Variants in IQSEC1 observed in about 807,000 individuals in gnomAD.
IQSEC1 encodes IQ motif and Sec7 domain ArfGEF 1.
IQSEC1 carries 31 observed loss-of-function variants against 91.0 expected under a neutral mutation model. The observed-to-expected ratio is 0.34, with a 90% CI of 0.26 to 0.46. The LOEUF (loss-of-function observed/expected upper bound fraction) is 0.46, where lower values mean the gene tolerates loss of function less well. Among genes scored for constraint, IQSEC1 ranks in the 20% least tolerant of loss-of-function variants. The pLI, the probability that IQSEC1 is intolerant of heterozygous loss-of-function variation, is 1.00. For missense variants in IQSEC1, 1,388 were observed against 1,575.6 expected, an observed-to-expected ratio of 0.88 and a Z score of 2.02; for synonymous variants, 699 against 662.6, an observed-to-expected ratio of 1.05 and a Z score of -0.84.
In IQSEC1 at chr3:13,073,163, C is replaced by T. The variant is rs1705492487; in HGVS notation, c.-149G>A. ...GTCACATTCCCGGGGGTGGCGGGCTCCTCCAGGGAGGCTGGGGCGGGAGCG... is the reference window on the plus strand; with the variant it reads ...GTCACATTCCCGGGGGTGGCGGGCTTCTCCAGGGAGGCTGGGGCGGGAGCG... On this transcript the variant is annotated 5_prime_UTR_variant, in exon 1 of 14. Transcript: ENST00000613206. The T allele has an allele frequency of 4.4e-6, 4 of 902,314 alleles. No homozygotes were observed. The highest frequency in any genetic ancestry group is 6.9e-6 in the Non-Finnish European group (4 of 583,632). The allele number at this position is 902,314 out of a possible 1,614,324, so 55.9% of individuals were successfully genotyped here.
chr3:13,260,288 A>T (rs1247943491), intron 1 of IQSEC1, among the ~76,000 whole-genome samples: 1 of 152,238 alleles, frequency 6.6e-6, no homozygotes, highest in African/African-American at 2.4e-5. Flanking sequence ...CTTGGAAGCC[A>T]ACCAGAAAGG....
At chr3:13,242,740 G>A (rs997358315) in intron 1 of IQSEC1, among the ~76,000 whole-genome samples, 7 of 152,176 alleles carry the variant, frequency 4.6e-5, no homozygotes, top group African/African-American at 4.8e-5. Context: ...ACCTGAAAAC[G>A]AAGCCTTTTC....
intron 1 of IQSEC1, among the ~76,000 whole-genome samples, chr3:13,254,917 C>G (rs1695260273): frequency 6.6e-6 from 1 of 152,204 alleles, no homozygotes. Flanking sequence ...CTCTGTGCAT[C>G]CACACAGCCT....
rs539652272 is a variant in IQSEC1, at chr3:13,039,676, A to G, written c.23+33316T>C. On this transcript the variant is annotated intron_variant, in intron 1 of 13. Coordinates refer to ENST00000613206, the MANE Select transcript of IQSEC1 (RefSeq NM_001134382.3). ...GCATCCCCCTTTCCCCATGTTACAC[A>G]GCTGTGGAGGAAAAGTGACTTTTCT... Among the ~76,000 whole-genome samples, 15 of 152,344 alleles carry G rather than the reference A, an allele frequency of 9.8e-5. 1 individual carries two copies. In the East Asian group the frequency reaches 1.9e-3, roughly 20 times the overall value.
rs755378826 is a variant in IQSEC1, at chr3:12,911,690, C to T, written c.2355G>A (p.Thr785=). The T allele has an allele frequency of 1.2e-5, 20 of 1,613,518 alleles. No individual in the cohort carries two copies. Among genetic ancestry groups the T allele is most frequent in the African/African-American group, 5.3e-5 (4 of 74,894 alleles). ...KIFQKKKNSV[T]YSFRQSFSLY... ...AGGAGAAGGACTGTCGGAAGCTGTA[C>T]GTCACCGAGTTCTTCTTCTTCTGGA... Residue 785 remains threonine, a synonymous_variant, in exon 10 of 14, where the codon ACG becomes ACA. Coordinates refer to ENST00000613206, the MANE Select transcript of IQSEC1 (RefSeq NM_001134382.3).
intron 1 of IQSEC1, among the ~76,000 whole-genome samples, chr3:12,974,364 G>A (rs980076861): frequency 9.2e-5 from 14 of 152,350 alleles, no homozygotes; most frequent in African/African-American, 3.1e-4. Flanking sequence ...TGTTGTAAAC[G>A]TGAAAGAAGG....
chr3:13,275,369 C>G (rs1460976166), intron 1 of IQSEC1, among the ~76,000 whole-genome samples: 1 of 152,162 alleles, frequency 6.6e-6, no homozygotes, highest in Non-Finnish European at 1.5e-5. Context: ...GGGCAGGGGC[C>G]AGTCTTGTCC....
chr3:13,104,734 C>T (rs1007581097), intron 2 of IQSEC1, among the ~76,000 whole-genome samples: 10 of 152,238 alleles, frequency 6.6e-5, no homozygotes, highest in Admixed American at 2.6e-4. Flanking sequence ...CCCCTCACTC[C>T]GGCCACTAGC....
chr3:13,024,348 C>T (rs556851984), intron 1 of IQSEC1, among the ~76,000 whole-genome samples: 2 of 149,880 alleles, frequency 1.3e-5, no homozygotes, highest in African/African-American at 4.9e-5. Flanking sequence ...TGTTCCCTCA[C>T]CCGCACATAC....
chr3:12,985,023 A>G (rs1390001234), intron 1 of IQSEC1, among the ~76,000 whole-genome samples: 4 of 151,722 alleles, frequency 2.6e-5, no homozygotes, highest in Non-Finnish European at 4.4e-5. Context: ...ACAGGGTTTC[A>G]CCGTGTTAGC....
chr3:13,030,438 T>A lies in IQSEC1; in HGVS notation c.23+42554A>T, dbSNP rs373503656. ...ATGGTGCACTCTCTTTATGGGCCAT[T>A]CTAGTTATTTATTAAATATTTTCTT... On this transcript the variant is annotated intron_variant, in intron 1 of 13. Coordinates refer to ENST00000613206, the MANE Select transcript of IQSEC1 (RefSeq NM_001134382.3). Among the ~76,000 whole-genome samples, 49 of 152,334 alleles carry A rather than the reference T, an allele frequency of 3.2e-4. 2 individuals carry two copies. In the South Asian group the frequency reaches 8.5e-3, roughly 26 times the overall value.
chr3:13,053,936 G>T (rs1704786139), intron 1 of IQSEC1, among the ~76,000 whole-genome samples: 1 of 152,216 alleles, frequency 6.6e-6, no homozygotes, highest in Admixed American at 6.5e-5. Flanking sequence ...AATATTTGAG[G>T]AGACTTTCTG....
In IQSEC1 at chr3:12,909,462, G is replaced by GC. The variant is rs760990916; in HGVS notation, c.2417-29dup. The GC allele has an allele frequency of 1.9e-6, 3 of 1,594,904 alleles. No individual in the cohort carries two copies. Among genetic ancestry groups the GC allele is most frequent in the Middle Eastern group, 1.7e-4 (1 of 5,826 alleles). Reference sequence around the variant, plus strand: ...GCAAAAGGGAAGGAGAGGGGAGGAGGCCCACGGGTCTCAGTGTGTTCTCTG... The same window carrying GC: ...GCAAAAGGGAAGGAGAGGGGAGGAGGCCCCACGGGTCTCAGTGTGTTCTCTG... On this transcript the variant is annotated intron_variant, in intron 10 of 13. Coordinates refer to ENST00000613206, the MANE Select transcript of IQSEC1 (RefSeq NM_001134382.3). The surrounding 1 kb of genome is among the most constrained non-coding windows in gnomAD (Gnocchi z 4.9).
At chr3:13,247,108 C>G (rs934377999) in intron 1 of IQSEC1, among the ~76,000 whole-genome samples, 2 of 152,218 alleles carry the variant, frequency 1.3e-5, no homozygotes, top group Admixed American at 1.3e-4. Flanking sequence ...GAGATGGAAG[C>G]TGGTCTGATA....
chr3:13,197,287 C>T (rs112568857), intron 1 of IQSEC1, among the ~76,000 whole-genome samples: 10 of 152,354 alleles, frequency 6.6e-5, no homozygotes, highest in African/African-American at 2.2e-4. Flanking sequence ...CCCCAAGCGC[C>T]CACAACAGCG....
At chr3:13,203,872 A>AGCGTGCC (rs944675723) in intron 1 of IQSEC1, among the ~76,000 whole-genome samples, 1 of 152,138 alleles carries the variant, frequency 6.6e-6, no homozygotes, top group Non-Finnish European at 1.5e-5. Flanking sequence ...CGGGGCCCTG[A>AGCGTGCC]GCGTGCCAGT....
intron 1 of IQSEC1, among the ~76,000 whole-genome samples, chr3:13,216,790 G>A (rs545602049): frequency 1.1e-3 from 173 of 152,302 alleles, no homozygotes; most frequent in Non-Finnish European, 1.9e-3. Flanking sequence ...TCCCCGTGGA[G>A]AAACAAAATG....
In IQSEC1 at chr3:12,970,111, C is replaced by CA. The variant is rs1700820780; in HGVS notation, c.24-28247_24-28246insT. The stretch of plus-strand genomic sequence containing the variant: ...CTGTAAAGAGTGGCTTAGCAGCCAC[C>CA]TCTACCCCAGCTAATTCACCTTGCT... On this transcript the variant is annotated intron_variant, in intron 1 of 13. Coordinates refer to ENST00000613206, the MANE Select transcript of IQSEC1 (RefSeq NM_001134382.3). This position sits in a 1 kb window ranked among gnomAD's most constrained non-coding sequence, Gnocchi z 4.4. Among the ~76,000 whole-genome samples the CA allele has an allele frequency of 6.6e-6, 1 of 152,212 alleles. No homozygotes were observed.
rs1185911301 is a variant in IQSEC1 at position 12,926,859 on chromosome 3, G to A, written c.1569-2117C>T. 4.6e-5 allele frequency among the ~76,000 whole-genome samples: 7 copies of A among 152,194 alleles called. No individual in the cohort carries two copies. The South Asian group carries it at 8.3e-4, about 18-fold the overall frequency. Reference sequence around the variant, plus strand: ...TTTTTATCCCAGGATGGCCACACCCGTAAGCTTGTCCCCAGGAGTGTGGCA... The same window carrying A: ...TTTTTATCCCAGGATGGCCACACCCATAAGCTTGTCCCCAGGAGTGTGGCA... On this transcript the variant is annotated intron_variant, in intron 3 of 13. Transcript: ENST00000613206.
Sources: allele counts gnomAD v4.1 joint callset (sites outside exome capture counted in the v4.1 genomes callset), GRCh38; gene constraint gnomAD v4.1.1; non-coding constraint Gnocchi (gnomAD v3.1); transcripts MANE v1.5; gene names NCBI Gene and HGNC (gene_info 2026-07-23, HGNC 2026-07-21).